The following SPEN variants were observed in gnomAD, a reference collection of about 807,000 sequenced individuals.
SPEN encodes the protein spen family transcriptional repressor, also known as msx2-interacting protein.
A neutral mutation model predicts 269.9 loss-of-function variants in SPEN; 18 were observed. That is an observed-to-expected ratio of 0.07 (90% confidence interval 0.05 to 0.10). The LOEUF is 0.10. SPEN is among the 10% of genes least tolerant of loss of function. The pLI, the probability that SPEN is intolerant of heterozygous loss-of-function variation, is 1.00. For synonymous variants in SPEN, 1,726 were observed against 1,765.7 expected (o/e 0.98, Z 0.56); for missense variants, 3,822 against 4,631.2 (o/e 0.83, Z 5.07).
chr1:15,886,375 G>T (rs919339127), intron 3 of SPEN, among the ~76,000 whole-genome samples: 1 of 152,152 alleles, frequency 6.6e-6, no homozygotes. Context: ...TTTGTGACTC[G>T]AACCAGCCTA....
At chr1:15,849,552 G>A (rs573962958) in intron 1 of SPEN, among the ~76,000 whole-genome samples, 1 of 152,154 alleles carries the variant, frequency 6.6e-6, no homozygotes, top group Admixed American at 6.5e-5. Flanking sequence ...CGGCAGGCCG[G>A]GGGGAGGTGC....
At chr1:15,897,788 T>TG (rs952215013) in intron 3 of SPEN, among the ~76,000 whole-genome samples, 109 of 152,208 alleles carry the variant, frequency 7.2e-4, no homozygotes, top group African/African-American at 2.6e-3. Flanking sequence ...CTTGAGCCAC[T>TG]GCACCTGGCC....
At chr1:15,886,890 G>C (rs952997881) in intron 3 of SPEN, among the ~76,000 whole-genome samples, 3 of 152,130 alleles carry the variant, frequency 2.0e-5, no homozygotes, top group Non-Finnish European at 2.9e-5. Context: ...TTTTATTTTG[G>C]TTTCTTAGGT....
At chr1:15,924,707 G>A (rs951223408) in intron 10 of SPEN, among the ~76,000 whole-genome samples, 1 of 152,182 alleles carries the variant, frequency 6.6e-6, no homozygotes, top group Non-Finnish European at 1.5e-5. Context: ...TGATCCGCCT[G>A]CCTCGGCCTC....
chr1:15,899,980 G>A (rs1329050241), intron 3 of SPEN, among the ~76,000 whole-genome samples: 3 of 151,926 alleles, frequency 2.0e-5, no homozygotes, highest in Non-Finnish European at 4.4e-5. Context: ...TGAGTAGCTG[G>A]GACTACAGCT....
At chr1:15,917,581 G>A (rs946863141) in intron 6 of SPEN, 2 of 152,142 alleles carry the variant, frequency 1.3e-5, no homozygotes, top group African/African-American at 4.8e-5. Flanking sequence ...GTAGAGGCGG[G>A]GTTTCACCGT....
Position 15,850,678 on chromosome 1 carries a change from A to T in SPEN, c.83+2528A>T, listed in dbSNP as rs74492794. Among the ~76,000 whole-genome samples, 486 of 152,252 alleles carry T rather than the reference A, an allele frequency of 3.2e-3. 1 individual carries two copies. Among genetic ancestry groups the T allele is most frequent in the African/African-American group, 0.011 (470 of 41,540 alleles). Reference sequence around the variant, plus strand: ...GAGGAACTCAAGGCCTTTTATCCCTATTGTGGGATATATTTTGTAAAATGT... The same window carrying T: ...GAGGAACTCAAGGCCTTTTATCCCTTTTGTGGGATATATTTTGTAAAATGT... On this transcript the variant is annotated intron_variant, in intron 1 of 14. Transcript: ENST00000375759.
At chr1:15,903,533 G>A (rs1428431634) in intron 3 of SPEN, among the ~76,000 whole-genome samples, 1 of 152,218 alleles carries the variant, frequency 6.6e-6, no homozygotes, top group Non-Finnish European at 1.5e-5. Context: ...GACCACAGGC[G>A]CATGCCACCA....
At position 15,933,545 on chromosome 1, in the gene SPEN, C is replaced by G. The variant is rs945093464; in HGVS notation, c.7305C>G (p.Pro2435=). The change falls in exon 11 of 15, where the codon CCC becomes CCG. Residue 2435 remains proline (P), a synonymous_variant. Transcript: ENST00000375759. This position sits in a 1 kb window ranked among gnomAD's most constrained non-coding sequence, Gnocchi z 5.7. ...ASVPPDLPPP[P]QPAPVDEEPQ... is the part of the protein sequence containing the mutation. ...TGCCCCCAGACCTTCCCCCACCTCC[C>G]CAGCCAGCACCGGTGGATGAGGAGC... 7 of 1,613,848 alleles carry G rather than the reference C, an allele frequency of 4.3e-6. No individual in the cohort carries two copies. Among genetic ancestry groups the G allele is most frequent in the East Asian group, 2.2e-5 (1 of 44,858 alleles).
intron 10 of SPEN, among the ~76,000 whole-genome samples, chr1:15,926,193 T>A (rs926159455): frequency 1.3e-5 from 2 of 152,098 alleles, no homozygotes; most frequent in Non-Finnish European, 2.9e-5. Flanking sequence ...GTCAGGAGTT[T>A]GAGTTCGGCC....
In SPEN at chr1:15,871,917, A is replaced by G. The variant is rs192004729; in HGVS notation, c.84-899A>G. 1.4e-3 allele frequency among the ~76,000 whole-genome samples: 214 copies of G among 152,178 alleles called. 3 individuals are homozygous for G. The highest frequency in any genetic ancestry group is 5.1e-3 in the African/African-American group (211 of 41,516). Reference sequence around the variant, plus strand: ...GGTTCAGTAGTCGTTTTTAGACTATAAATATTTGTAAAAACTTCTGAGAAG... The same window carrying G: ...GGTTCAGTAGTCGTTTTTAGACTATGAATATTTGTAAAAACTTCTGAGAAG... On this transcript the variant is annotated intron_variant, in intron 1 of 14. Transcript: ENST00000375759.
chr1:15,933,524 C>T lies in SPEN; in HGVS notation c.7284C>T (p.Pro2428=). The T allele has an allele frequency of 6.2e-7, 1 of 1,613,886 alleles. No homozygotes were observed. Among genetic ancestry groups the T allele is most frequent in the African/African-American group, 1.3e-5 (1 of 74,998 alleles). Residue 2428 remains proline, a synonymous_variant, in exon 11 of 15, where the codon CCC becomes CCT. Transcript: ENST00000375759. This position sits in a 1 kb window ranked among gnomAD's most constrained non-coding sequence, Gnocchi z 5.7. ...EERTPTKASV[P]PDLPPPPQPA... is the part of the protein sequence containing the mutation. ...GGACTCCAACCAAAGCATCTGTGCC[C>T]CCAGACCTTCCCCCACCTCCCCAGC...
intron 1 of SPEN, among the ~76,000 whole-genome samples, chr1:15,862,872 C>T (rs763947128): frequency 6.6e-5 from 10 of 152,090 alleles, no homozygotes; most frequent in Admixed American, 2.0e-4. Flanking sequence ...CGCCATTCTC[C>T]TGCCTCAGCC....
chr1:15,908,958 A>T (rs1271645081), intron 3 of SPEN, among the ~76,000 whole-genome samples: 3 of 152,154 alleles, frequency 2.0e-5, no homozygotes, highest in Non-Finnish European at 4.4e-5. Flanking sequence ...GTCTGATCCA[A>T]GATTTGAATC....
chr1:15,894,877 TTTTTTTA>T (rs1179966815), intron 3 of SPEN, among the ~76,000 whole-genome samples: 1 of 151,978 alleles, frequency 6.6e-6, no homozygotes, highest in Non-Finnish European at 1.5e-5. Context: ...TTCAAAAAAG[TTTTTTTA>T]AATTGTAGTA....
Position 15,935,580 on chromosome 1 carries a change from C to T in SPEN, c.9340C>T (p.Pro3114Ser). ...GCCCAGTATCACCTACAGCATCCGG[C>T]CAGAAGCGCTTCACTCTCCTCGGGC... The part of the protein sequence containing the change: ...TLPSITYSIR[P>S]EALHSPRAPL... Residue 3114 changes from proline (P) to serine (S), a missense_variant, in exon 11 of 15, where the codon CCA (proline) becomes TCA (serine). Physicochemically the swap from Pro to Ser is moderately conservative, Grantham distance 74. Transcript: ENST00000375759. This position sits in a 1 kb window ranked among gnomAD's most constrained non-coding sequence, Gnocchi z 7.7. 1 of 1,614,096 alleles carries T rather than the reference C, an allele frequency of 6.2e-7. No homozygotes were observed. Among genetic ancestry groups the T allele is most frequent in the Non-Finnish European group, 8.5e-7 (1 of 1,180,006 alleles).
intron 3 of SPEN, among the ~76,000 whole-genome samples, chr1:15,886,796 C>T (rs1237295862): frequency 6.6e-6 from 1 of 152,124 alleles, no homozygotes; most frequent in African/African-American, 2.4e-5. Context: ...AGGAGCGTTG[C>T]TTTTAGTTAG....
rs1035969365 is a variant in SPEN at position 15,887,387 on chromosome 1, T to C, written c.881+10709T>C. On this transcript the variant is annotated intron_variant, in intron 3 of 14. Transcript: ENST00000375759. ...GCTCCGCCTCCCGGGTTCACGCCAT[T>C]GTCCTGCCTCAGTCTCCCGAGTAGC... 3.3e-5 allele frequency among the ~76,000 whole-genome samples: 5 copies of C among 149,844 alleles called. No individual in the cohort carries two copies. In the Admixed American group the frequency reaches 3.4e-4, roughly 10 times the overall value.
Position 15,939,431 on chromosome 1 carries a change from A to G in SPEN, c.*4A>G. ...GATTGTCATTGCCTCCGTGTGAGCC[A>G]CTGAGTGGTTATCACCTCAGTGAAT... On this transcript the variant is annotated 3_prime_UTR_variant, in exon 15 of 15. Transcript: ENST00000375759. This position sits in a 1 kb window ranked among gnomAD's most constrained non-coding sequence, Gnocchi z 4.1. The G allele has an allele frequency of 6.3e-7, 1 of 1,585,434 alleles. No individual in the cohort carries two copies. The highest frequency in any genetic ancestry group is 8.6e-7 in the Non-Finnish European group (1 of 1,165,954).
Sources: gnomAD v4.1 joint callset for allele counts (sites outside exome capture counted in the v4.1 genomes callset) on GRCh38, gnomAD v4.1.1 for gene constraint, Gnocchi (gnomAD v3.1) non-coding constraint, MANE v1.5 for transcripts, NCBI Gene and HGNC (gene_info 2026-07-23, HGNC 2026-07-21) for gene names.